Variants in NKAIN3 observed in about 807,000 individuals in gnomAD.
The protein encoded by NKAIN3 is sodium/potassium-transporting ATPase subunit beta-1-interacting protein 3.
NKAIN3 carries 25 observed loss-of-function variants against 30.2 expected under a neutral mutation model. The ratio of observed to expected loss-of-function variants is 0.83; its 90% confidence interval spans 0.60 to 1.16. The LOEUF (loss-of-function observed/expected upper bound fraction) is 1.16, where lower values mean the gene tolerates loss of function less well. NKAIN3 is among the 50% of genes most tolerant of loss of function. The pLI is 0.00. For synonymous variants in NKAIN3, 91 were observed against 89.6 expected, an observed-to-expected ratio of 1.02 and a Z score of -0.09; for missense variants, 225 against 254.1, an observed-to-expected ratio of 0.89 and a Z score of 0.78.
intron 4 of NKAIN3, among the ~76,000 whole-genome samples, chr8:62,771,903 G>A (rs1266704797): frequency 6.6e-6 from 1 of 151,772 alleles, no homozygotes; most frequent in African/African-American, 2.4e-5. Context: ...TCCTTTCTTT[G>A]TGTTACAAAC....
At chr8:62,487,578 A>G (rs949245259) in intron 1 of NKAIN3, among the ~76,000 whole-genome samples, 1 of 152,326 alleles carries the variant, frequency 6.6e-6, no homozygotes, top group African/African-American at 2.4e-5. Flanking sequence ...CGTTGTCTCA[A>G]TAGCTGGTTT....
At chr8:62,288,400 C>T (rs1813452213) in intron 1 of NKAIN3, among the ~76,000 whole-genome samples, 1 of 152,136 alleles carries the variant, frequency 6.6e-6, no homozygotes, top group Non-Finnish European at 1.5e-5. Context: ...CCTCCACCTA[C>T]CTGACGACAG....
intron 1 of NKAIN3, among the ~76,000 whole-genome samples, chr8:62,308,826 G>A (rs1041524920): frequency 6.6e-6 from 1 of 150,486 alleles, no homozygotes; most frequent in Non-Finnish European, 1.5e-5. Flanking sequence ...AGAAATTTCA[G>A]AACTGCAAAA....
chr8:62,922,502 A>T (rs550911678), intron 5 of NKAIN3, among the ~76,000 whole-genome samples: 1 of 149,424 alleles, frequency 6.7e-6, no homozygotes, highest in South Asian at 2.1e-4. Flanking sequence ...AAGGCCAGAC[A>T]CCAGGGGAGG....
intron 4 of NKAIN3, among the ~76,000 whole-genome samples, chr8:62,807,041 A>G (rs950378110): frequency 2.0e-5 from 3 of 152,094 alleles, no homozygotes; most frequent in African/African-American, 7.2e-5. Context: ...TTATTCTTTC[A>G]CTACTTTGTA....
chr8:62,374,297 A>G (rs1453136790), intron 1 of NKAIN3, among the ~76,000 whole-genome samples: 1 of 152,142 alleles, frequency 6.6e-6, no homozygotes, highest in Admixed American at 6.5e-5. Flanking sequence ...AATTCCATTT[A>G]AAGTATTTTC....
intron 4 of NKAIN3, among the ~76,000 whole-genome samples, chr8:62,769,092 T>A (rs2130632391): frequency 6.6e-6 from 1 of 152,218 alleles, no homozygotes; most frequent in East Asian, 1.9e-4. Context: ...TTTCATTTCC[T>A]GTCATTTCAG....
Position 62,975,516 on chromosome 8 carries a change from T to G in NKAIN3, c.*10109T>G, listed in dbSNP as rs1823922483. ...TGTGGGATTAGTGGTGATCTCCACT[T>G]TATCACTTTTTATTGTGTCTATTTG... On this transcript the variant is annotated 3_prime_UTR_variant, in exon 7 of 7. Coordinates refer to ENST00000623646, the MANE Select transcript of NKAIN3 (RefSeq NM_001304533.3). 6.6e-6 allele frequency among the ~76,000 whole-genome samples: 1 copy of G among 152,188 alleles called. No individual in the cohort carries two copies. Among genetic ancestry groups the G allele is most frequent in the African/African-American group, 2.4e-5 (1 of 41,456 alleles).
chr8:62,299,302 A>G (rs1813958505), intron 1 of NKAIN3, among the ~76,000 whole-genome samples: 1 of 152,074 alleles, frequency 6.6e-6, no homozygotes, highest in African/African-American at 2.4e-5. Context: ...TCAGTGGAGC[A>G]GTGGATTTGA....
intron 1 of NKAIN3, among the ~76,000 whole-genome samples, chr8:62,465,290 T>G (rs1806128573): frequency 6.6e-6 from 1 of 152,156 alleles, no homozygotes; most frequent in Non-Finnish European, 1.5e-5. Context: ...CCCAAAATGA[T>G]GTAATTCAAC....
intron 3 of NKAIN3, among the ~76,000 whole-genome samples, chr8:62,602,588 A>T (rs1811012004): frequency 6.6e-6 from 1 of 152,084 alleles, no homozygotes; most frequent in Non-Finnish European, 1.5e-5. Context: ...TGTCTGATTC[A>T]CATCTATTCT....
intron 1 of NKAIN3, among the ~76,000 whole-genome samples, chr8:62,417,432 T>C (rs1292741518): frequency 6.6e-6 from 1 of 152,182 alleles, no homozygotes; most frequent in Non-Finnish European, 1.5e-5. Flanking sequence ...GCAACAAACA[T>C]TGGAGTGTAG....
chr8:62,813,864 T>C (rs1818576468), intron 4 of NKAIN3, among the ~76,000 whole-genome samples: 1 of 152,024 alleles, frequency 6.6e-6, no homozygotes, highest in Non-Finnish European at 1.5e-5. Flanking sequence ...TCCCTCAGTC[T>C]TTACTTGTCT....
At chr8:62,573,253 A>G (rs1042891387) in intron 1 of NKAIN3, among the ~76,000 whole-genome samples, 3 of 152,162 alleles carry the variant, frequency 2.0e-5, no homozygotes, top group African/African-American at 7.2e-5. Flanking sequence ...GTTTTTTACA[A>G]TTTGATTCTT....
rs1823729247 is a variant in NKAIN3, at chr8:62,966,943, G to GT, written c.*1539dup. On this transcript the variant is annotated 3_prime_UTR_variant, in exon 7 of 7. Coordinates refer to ENST00000623646, the MANE Select transcript of NKAIN3 (RefSeq NM_001304533.3). ...TCATGAGACTCTGTTAAGAATCAGA[G>GT]TTTAATGTGACAAAGTTTGCCTTCA... Among the ~76,000 whole-genome samples the GT allele has an allele frequency of 6.6e-6, 1 of 152,198 alleles. No individual in the cohort carries two copies. The highest frequency in any genetic ancestry group is 2.1e-4 in the South Asian group (1 of 4,832).
At chr8:62,846,438 C>T (rs1360420821) in intron 4 of NKAIN3, among the ~76,000 whole-genome samples, 1 of 152,036 alleles carries the variant, frequency 6.6e-6, no homozygotes, top group African/African-American at 2.4e-5. Context: ...AGGTATTAGG[C>T]ACAGCATCTA....
intron 4 of NKAIN3, among the ~76,000 whole-genome samples, chr8:62,748,230 G>A (rs2130586726): frequency 6.6e-6 from 1 of 152,244 alleles, no homozygotes; most frequent in South Asian, 2.1e-4. Context: ...ACTGATGTGA[G>A]CCTGTCAATC....
intron 1 of NKAIN3, among the ~76,000 whole-genome samples, chr8:62,292,963 A>G (rs1813700094): frequency 6.7e-6 from 1 of 150,252 alleles, no homozygotes; most frequent in South Asian, 2.1e-4. Flanking sequence ...TTGTCTTCTC[A>G]CTTCATTTCA....
chr8:62,469,557 T>A (rs966782751), intron 1 of NKAIN3, among the ~76,000 whole-genome samples: 3 of 152,144 alleles, frequency 2.0e-5, no homozygotes, highest in African/African-American at 7.2e-5. Context: ...TGGCGCCCAA[T>A]AAGACCTCTA....
Sources: gnomAD v4.1 joint callset for allele counts (sites outside exome capture counted in the v4.1 genomes callset) on GRCh38, gnomAD v4.1.1 for gene constraint, MANE v1.5 for transcripts, NCBI Gene and HGNC (gene_info 2026-07-23, HGNC 2026-07-21) for gene names.